KCNQ3: variants seen among roughly 807,000 people sequenced by gnomAD.
The protein encoded by KCNQ3 is potassium voltage-gated channel subfamily KQT member 3.
Under a neutral mutation model 92.5 loss-of-function variants are expected in KCNQ3, and 30 were observed. That is an observed-to-expected ratio of 0.32 (90% CI 0.24 to 0.44). The LOEUF (loss-of-function observed/expected upper bound fraction) is 0.44. Ranked by LOEUF, KCNQ3 falls within the 20% of genes least tolerant of loss-of-function variation. The pLI is 1.00. For missense variants in KCNQ3, 913 were observed against 1,140.3 expected (o/e 0.80, Z 2.87); for synonymous variants, 450 against 468.8 (o/e 0.96, Z 0.52).
In KCNQ3 at chr8:132,480,635, G is replaced by T; in HGVS notation, c.-103C>A. On this transcript the variant is annotated 5_prime_UTR_variant, in exon 1 of 15. Coordinates refer to ENST00000388996, the MANE Select transcript of KCNQ3 (RefSeq NM_004519.4). ...GGCGGCGGCGGCGGCTGCAAGCCCGGGAACTCCAATGCCATGATCCGCGCG... is the reference window on the plus strand; with the variant it reads ...GGCGGCGGCGGCGGCTGCAAGCCCGTGAACTCCAATGCCATGATCCGCGCG... The T allele has an allele frequency of 8.6e-7, 1 of 1,162,076 alleles. No individual in the cohort carries two copies. The highest frequency in any genetic ancestry group is 1.8e-5 in the South Asian group (1 of 56,122). 72.0% of individuals were successfully genotyped at this position (1,162,076 alleles called of 1,614,324 possible). A position where few individuals can be genotyped will look rare whatever the true frequency, so the allele number is the denominator to read the frequency against.
At chr8:132,414,650 A>G (rs1380863127) in intron 1 of KCNQ3, among the ~76,000 whole-genome samples, 1 of 152,234 alleles carries the variant, frequency 6.6e-6, no homozygotes, top group South Asian at 2.1e-4. Context: ...ACAATTATCC[A>G]TCTTCAACCC....
chr8:132,363,491 C>T (rs1190075704), intron 1 of KCNQ3, among the ~76,000 whole-genome samples: 1 of 151,974 alleles, frequency 6.6e-6, no homozygotes, highest in African/African-American at 2.4e-5. Flanking sequence ...GGGCCTTATA[C>T]AGATTTATTA....
intron 14 of KCNQ3, among the ~76,000 whole-genome samples, chr8:132,131,398 G>C (rs1253389804): frequency 6.6e-6 from 1 of 152,104 alleles, no homozygotes; most frequent in African/African-American, 2.4e-5. Context: ...TGAGTGAGCG[G>C]GTTTCTCTTT....
At chr8:132,308,113 A>G (rs548704177) in intron 1 of KCNQ3, among the ~76,000 whole-genome samples, 13 of 152,260 alleles carry the variant, frequency 8.5e-5, no homozygotes, top group Admixed American at 5.2e-4. Context: ...AAAGTAAATG[A>G]TATCTCCTAT....
chr8:132,253,015 C>T (rs1308794891), intron 1 of KCNQ3, among the ~76,000 whole-genome samples: 2 of 152,208 alleles, frequency 1.3e-5, no homozygotes, highest in African/African-American at 4.8e-5. Context: ...TAGAACATTT[C>T]CACCATTTCT....
chr8:132,320,273 TACTAAA>T (rs1203450044), intron 1 of KCNQ3, among the ~76,000 whole-genome samples: 1 of 152,200 alleles, frequency 6.6e-6, no homozygotes, highest in Non-Finnish European at 1.5e-5. Flanking sequence ...TTGCACAAGC[TACTAAA>T]CTCTCAGACC....
rs540975684 is a variant in KCNQ3, at chr8:132,351,650, C to T, written c.386+128497G>A. Among the ~76,000 whole-genome samples, 123 of 152,322 alleles carry T rather than the reference C, an allele frequency of 8.1e-4. 1 individual carries two copies. The highest frequency in any genetic ancestry group is 1.3e-3 in the Non-Finnish European group (90 of 68,030). On this transcript the variant is annotated intron_variant, in intron 1 of 14. Transcript: ENST00000388996. ...ACAGCTCAGGCTGTACAGCTCAGGG[C>T]ACAGGGCAGGGAGCTTTGCCCTTCC... is the stretch of plus-strand genomic sequence containing the variant.
At chr8:132,322,344 T>C (rs1285641682) in intron 1 of KCNQ3, among the ~76,000 whole-genome samples, 1 of 152,022 alleles carries the variant, frequency 6.6e-6, no homozygotes, top group East Asian at 1.9e-4. Context: ...TTGGAGGACA[T>C]CCCTGCTGGC....
intron 1 of KCNQ3, among the ~76,000 whole-genome samples, chr8:132,452,231 G>T (rs10216765): frequency 6.6e-6 from 1 of 151,784 alleles, no homozygotes; most frequent in Non-Finnish European, 1.5e-5. Flanking sequence ...TGTTTCCATC[G>T]AGCAATAGCT....
intron 1 of KCNQ3, among the ~76,000 whole-genome samples, chr8:132,313,499 G>A (rs1434436413): frequency 6.6e-6 from 1 of 151,988 alleles, no homozygotes; most frequent in African/African-American, 2.4e-5. Context: ...GATTTTTCAG[G>A]AATGCTACAA....
At chr8:132,197,819 A>G (rs559014295) in intron 1 of KCNQ3, among the ~76,000 whole-genome samples, 1 of 152,354 alleles carries the variant, frequency 6.6e-6, no homozygotes, top group East Asian at 1.9e-4. Flanking sequence ...GGTAATAGGT[A>G]CTACAAAGTG....
intron 1 of KCNQ3, among the ~76,000 whole-genome samples, chr8:132,357,886 T>C (rs977591895): frequency 3.3e-5 from 5 of 152,200 alleles, no homozygotes; most frequent in African/African-American, 1.2e-4. Flanking sequence ...CTTACTCATG[T>C]CCTTCCCTAA....
At chr8:132,150,301 G>A (rs932249653) in intron 9 of KCNQ3, among the ~76,000 whole-genome samples, 1 of 152,162 alleles carries the variant, frequency 6.6e-6, no homozygotes, top group African/African-American at 2.4e-5. Flanking sequence ...CCTCGTGGCA[G>A]GGCTTTGTTT....
chr8:132,312,458 G>T (rs1015508997), intron 1 of KCNQ3, among the ~76,000 whole-genome samples: 1 of 152,048 alleles, frequency 6.6e-6, no homozygotes, highest in Non-Finnish European at 1.5e-5. Flanking sequence ...CCTTGCCTTG[G>T]GGGTGAAGAC....
Position 132,304,283 on chromosome 8 carries a change from AC to A in KCNQ3, c.387-118103del, listed in dbSNP as rs566649828. 1.1e-4 allele frequency among the ~76,000 whole-genome samples: 16 copies of A among 152,208 alleles called. No individual in the cohort carries two copies. The East Asian group carries it at 2.7e-3, about 26-fold the overall frequency. On this transcript the variant is annotated intron_variant, in intron 1 of 14. Coordinates refer to ENST00000388996, the MANE Select transcript of KCNQ3 (RefSeq NM_004519.4). ...ATCCATGTAATGAAACTGTACTTGTACCCCCTAAATCTACAGAAATGTTTAA... is the reference window on the plus strand; with the variant it reads ...ATCCATGTAATGAAACTGTACTTGTACCCCTAAATCTACAGAAATGTTTAA...
intron 9 of KCNQ3, among the ~76,000 whole-genome samples, chr8:132,161,831 AG>A (rs1826000920): frequency 6.6e-6 from 1 of 152,194 alleles, no homozygotes; most frequent in Non-Finnish European, 1.5e-5. Flanking sequence ...TCCTGCGTAA[AG>A]GAATTGATTC....
intron 11 of KCNQ3, among the ~76,000 whole-genome samples, chr8:132,138,799 T>G (rs2130940209): frequency 1.3e-5 from 2 of 152,346 alleles, no homozygotes; most frequent in South Asian, 4.1e-4. Context: ...CATTCAAAGT[T>G]CATTTTGTTT....
chr8:132,170,129 T>C (rs1826276926), intron 8 of KCNQ3, among the ~76,000 whole-genome samples: 1 of 152,118 alleles, frequency 6.6e-6, no homozygotes, highest in South Asian at 2.1e-4. Flanking sequence ...CGCCTCGGCC[T>C]CCCAAAGTGC....
chr8:132,478,434 C>T (rs1334662584), intron 1 of KCNQ3, among the ~76,000 whole-genome samples: 1 of 152,226 alleles, frequency 6.6e-6, no homozygotes, highest in Non-Finnish European at 1.5e-5. Context: ...ACTGTGTGCA[C>T]TCAACGAACT....
Sources: allele counts gnomAD v4.1 joint callset (sites outside exome capture counted in the v4.1 genomes callset), GRCh38; gene constraint gnomAD v4.1.1; transcripts MANE v1.5; gene names NCBI Gene and HGNC (gene_info 2026-07-23, HGNC 2026-07-21).